Variants in KCNAB1 observed in about 807,000 individuals in gnomAD.
The protein encoded by KCNAB1 is potassium voltage-gated channel subfamily A regulatory beta subunit 1.
A neutral mutation model predicts 64.6 loss-of-function variants in KCNAB1; 35 were observed. That is an observed-to-expected ratio of 0.54 (90% confidence interval 0.41 to 0.72). The LOEUF (loss-of-function observed/expected upper bound fraction) is 0.72, where lower values mean the gene tolerates loss of function less well. Among genes scored for constraint, KCNAB1 ranks in the 30% least tolerant of loss-of-function variants. The probability of loss-of-function intolerance (pLI) is 0.00; values close to 1 mark genes in which losing one functional copy is unlikely to be tolerated. For synonymous variants in KCNAB1, 177 were observed against 183.8 expected (o/e 0.96, Z 0.30); for missense variants, 401 against 512.9 (o/e 0.78, Z 2.11).
At chr3:156,484,896 G>T (rs960985950) in intron 8 of KCNAB1, among the ~76,000 whole-genome samples, 1 of 152,056 alleles carries the variant, frequency 6.6e-6, no homozygotes, top group Non-Finnish European at 1.5e-5. Flanking sequence ...AGGTGAGGGC[G>T]TTAGTCTTAG....
chr3:156,209,188 C>T (rs1321978061), intron 1 of KCNAB1, among the ~76,000 whole-genome samples: 2 of 152,068 alleles, frequency 1.3e-5, no homozygotes, highest in African/African-American at 4.8e-5. Flanking sequence ...CACAGTTTGG[C>T]TTGGTGGAAA....
Position 156,120,880 on chromosome 3 carries a change from C to G in KCNAB1, c.269C>G (p.Pro90Arg), listed in dbSNP as rs934581727. The G allele has an allele frequency of 6.2e-7, 1 of 1,613,846 alleles. No homozygotes were observed. The highest frequency in any genetic ancestry group is 2.2e-5 in the East Asian group (1 of 44,872). Residue 90 changes from proline (P) to arginine (R), a missense_variant, in exon 1 of 14, where the codon CCG becomes CGG. Physicochemically the swap from Pro to Arg is moderately radical, Grantham distance 103. Coordinates refer to ENST00000490337, the MANE Select transcript of KCNAB1 (RefSeq NM_172160.3). Reference protein sequence around the residue: ...EHTTVCTTGMPHRNLGKSGLR... With the variant: ...EHTTVCTTGMRHRNLGKSGLR... ...ACCACCGTCTGCACCACAGGCATGC[C>G]GCACAGGTAAGCTGCCCCTGCTCTG...
intron 1 of KCNAB1, among the ~76,000 whole-genome samples, chr3:156,360,932 C>T (rs972819286): frequency 3.9e-5 from 6 of 152,044 alleles, no homozygotes; most frequent in Admixed American, 6.6e-5. Context: ...GCCTCCTAAC[C>T]GATCCTGCTG....
chr3:156,417,740 G>A (rs934044339), intron 1 of KCNAB1, among the ~76,000 whole-genome samples: 1 of 150,674 alleles, frequency 6.6e-6, no homozygotes, highest in African/African-American at 2.5e-5. Flanking sequence ...AAAGCCTGGT[G>A]GCTGCTCCAT....
chr3:156,236,160 T>C (rs1300804323), intron 1 of KCNAB1, among the ~76,000 whole-genome samples: 1 of 152,192 alleles, frequency 6.6e-6, no homozygotes, highest in African/African-American at 2.4e-5. Flanking sequence ...ATGTAAAGCA[T>C]CCCTTATGCC....
chr3:156,516,487 G>A, intron 11 of KCNAB1, 123 bp downstream of exon 11: 2 of 709,648 alleles, frequency 2.8e-6, no homozygotes, highest in South Asian at 1.7e-5. Context: ...CCAGGCCAGT[G>A]GCCTCTGGCA....
intron 1 of KCNAB1, among the ~76,000 whole-genome samples, chr3:156,166,175 G>A (rs1711550157): frequency 6.6e-6 from 1 of 152,208 alleles, no homozygotes; most frequent in African/African-American, 2.4e-5. Flanking sequence ...TAATGTCTCA[G>A]ATGATATGCT....
chr3:156,216,536 G>A (rs1715332070), intron 1 of KCNAB1, among the ~76,000 whole-genome samples: 1 of 152,166 alleles, frequency 6.6e-6, no homozygotes, highest in South Asian at 2.1e-4. Flanking sequence ...TGGTCCTTAG[G>A]TTTTCCGCCC....
chr3:156,346,098 T>A (rs570726252), intron 1 of KCNAB1, among the ~76,000 whole-genome samples: 1 of 151,952 alleles, frequency 6.6e-6, no homozygotes, highest in Non-Finnish European at 1.5e-5. Flanking sequence ...ATACAGTTAA[T>A]TATATTTTTT....
At chr3:156,232,022 C>A (rs58119066) in intron 1 of KCNAB1, among the ~76,000 whole-genome samples, 1,606 of 152,224 alleles carry the variant, frequency 0.011, 20 homozygotes, top group African/African-American at 0.036. Context: ...TTTGACTCTT[C>A]GTCAACATTA....
At chr3:156,245,146 G>A (rs950945106) in intron 1 of KCNAB1, among the ~76,000 whole-genome samples, 8 of 152,132 alleles carry the variant, frequency 5.3e-5, no homozygotes, top group South Asian at 4.1e-4. Flanking sequence ...GTTAAATAAG[G>A]TTGCTTCTCA....
chr3:156,181,709 T>C (rs960228481), intron 1 of KCNAB1, among the ~76,000 whole-genome samples: 2 of 152,048 alleles, frequency 1.3e-5, no homozygotes, highest in Non-Finnish European at 2.9e-5. Context: ...TGGTGACTAG[T>C]TGGCTGTGTG....
At chr3:156,188,082 A>G (rs929611013) in intron 1 of KCNAB1, among the ~76,000 whole-genome samples, 3 of 152,180 alleles carry the variant, frequency 2.0e-5, no homozygotes, top group African/African-American at 4.8e-5. Flanking sequence ...TTGTTCCCTC[A>G]GAGAGCATTC....
intron 1 of KCNAB1, among the ~76,000 whole-genome samples, chr3:156,350,939 C>T (rs943605010): frequency 6.6e-6 from 1 of 152,256 alleles, no homozygotes; most frequent in Non-Finnish European, 1.5e-5. Flanking sequence ...GAGCAGGGCT[C>T]AGCAGCTGAG....
chr3:156,517,571 G>C (rs1317288476), intron 11 of KCNAB1, among the ~76,000 whole-genome samples: 1 of 152,198 alleles, frequency 6.6e-6, no homozygotes, highest in Non-Finnish European at 1.5e-5. Flanking sequence ...GGCAAGAAGG[G>C]AGTGAAGAAG....
intron 1 of KCNAB1, among the ~76,000 whole-genome samples, chr3:156,294,045 G>A (rs1001253577): frequency 6.6e-6 from 1 of 152,210 alleles, no homozygotes; most frequent in Non-Finnish European, 1.5e-5. Flanking sequence ...ATTTCTTGAG[G>A]CAGAGTTTCA....
At chr3:156,487,965 T>A (rs1222327626) in intron 8 of KCNAB1, among the ~76,000 whole-genome samples, 1 of 152,126 alleles carries the variant, frequency 6.6e-6, no homozygotes, top group Non-Finnish European at 1.5e-5. Context: ...ACTCTCTTCC[T>A]GAGCAGAGAT....
intron 2 of KCNAB1, among the ~76,000 whole-genome samples, chr3:156,438,868 G>C (rs4680269): frequency 0.54 from 81,619 of 151,802 alleles, 22,743 homozygotes; most frequent in Admixed American, 0.68. Flanking sequence ...GCAAAAATTA[G>C]CTGGGCGTGG....
chr3:156,225,098 C>G (rs1560146050), intron 1 of KCNAB1, among the ~76,000 whole-genome samples: 1 of 152,104 alleles, frequency 6.6e-6, no homozygotes, highest in East Asian at 1.9e-4. Flanking sequence ...AATACCAAAA[C>G]CAGGGAAAGA....
Sources: allele counts gnomAD v4.1 joint callset (sites outside exome capture counted in the v4.1 genomes callset), GRCh38; gene constraint gnomAD v4.1.1; transcripts MANE v1.5; gene names NCBI Gene and HGNC (gene_info 2026-07-23, HGNC 2026-07-21).